The following CACNA1D variants were observed in gnomAD, a reference collection of about 807,000 sequenced individuals.
The protein encoded by CACNA1D is calcium voltage-gated channel subunit alpha1 D, also known as voltage-dependent L-type calcium channel subunit alpha-1D.
CACNA1D carries 55 observed loss-of-function variants against 257.1 expected under a neutral mutation model. The observed-to-expected ratio is 0.21, with a 90% CI of 0.17 to 0.27. CACNA1D has a LOEUF of 0.27. Among genes scored for constraint, CACNA1D ranks in the 10% least tolerant of loss-of-function variants. The pLI, the probability that CACNA1D is intolerant of heterozygous loss-of-function variation, is 1.00. For synonymous variants in CACNA1D, 980 were observed against 1,014.9 expected, an observed-to-expected ratio of 0.97 and a Z score of 0.65; for missense variants, 1,876 against 2,784.0, an observed-to-expected ratio of 0.67 and a Z score of 7.34.
In CACNA1D at chr3:53,780,088, G is replaced by A; in HGVS notation, c.4650G>A (p.Leu1550=). ...GGACAGTCATGTTTAATGCAACCCT[G>A]TTTGCTTTGGTTCGAACGGCTCTTA... ...SDGTVMFNAT[L]FALVRTALKI... Residue 1550 remains leucine (L), a synonymous_variant, in exon 38 of 48, where the codon CTG becomes CTA. Coordinates refer to ENST00000350061, the MANE Select transcript of CACNA1D (RefSeq NM_001128840.3). 6.2e-7 allele frequency: 1 copy of A among 1,614,164 alleles called. No individual in the cohort carries two copies. The highest frequency in any genetic ancestry group is 8.5e-7 in the Non-Finnish European group (1 of 1,179,988).
chr3:53,516,942 G>C (rs749802713), intron 3 of CACNA1D, among the ~76,000 whole-genome samples: 1 of 152,244 alleles, frequency 6.6e-6, no homozygotes, highest in Non-Finnish European at 1.5e-5. Context: ...CCAGCACTGA[G>C]TGTGAGGGAT....
intron 2 of CACNA1D, 127 bp downstream of exon 2, chr3:53,497,588 A>G (rs2090404968): frequency 2.1e-6 from 2 of 970,670 alleles, no homozygotes; most frequent in African/African-American, 1.6e-5. Flanking sequence ...GTTGTATATA[A>G]GGGGTTTCAT....
chr3:53,541,439 A>C (rs945766315), intron 3 of CACNA1D, among the ~76,000 whole-genome samples: 1 of 152,214 alleles, frequency 6.6e-6, no homozygotes, highest in East Asian at 1.9e-4. Context: ...AGTTTGGAGC[A>C]AATTTTGTGG....
chr3:53,645,320 G>A (rs1346766556), intron 3 of CACNA1D, among the ~76,000 whole-genome samples: 2 of 152,094 alleles, frequency 1.3e-5, no homozygotes, highest in African/African-American at 4.8e-5. Context: ...GTTTTAGTTA[G>A]ATGCCATCCC....
intron 3 of CACNA1D, among the ~76,000 whole-genome samples, chr3:53,521,228 G>A (rs923417858): frequency 7.2e-5 from 11 of 151,952 alleles, no homozygotes; most frequent in Non-Finnish European, 1.3e-4. Context: ...TTTTTGTAGA[G>A]ATGGGGGTCC....
chr3:53,525,825 C>A (rs2091743189), intron 3 of CACNA1D, among the ~76,000 whole-genome samples: 1 of 152,110 alleles, frequency 6.6e-6, no homozygotes, highest in Non-Finnish European at 1.5e-5. Context: ...TCAAACCCAG[C>A]ACAGACTAGA....
chr3:53,718,900 C>T (rs2094851263), intron 10 of CACNA1D, among the ~76,000 whole-genome samples: 1 of 152,158 alleles, frequency 6.6e-6, no homozygotes, highest in Admixed American at 6.5e-5. Context: ...ATGACGAGGC[C>T]CTGCCTTCTT....
Position 53,496,963 on chromosome 3 carries a change from C to T in CACNA1D, c.68-189C>T, listed in dbSNP as rs935200891. 1.4e-4 allele frequency among the ~76,000 whole-genome samples: 21 copies of T among 152,230 alleles called. No individual in the cohort carries two copies. In the South Asian group the frequency reaches 3.1e-3, roughly 23 times the overall value. On this transcript the variant is annotated intron_variant, in intron 1 of 47. Coordinates refer to ENST00000350061, the MANE Select transcript of CACNA1D (RefSeq NM_001128840.3). ...TGTGATTGACACTGAGACCAGAGCT[C>T]GTGGACTTTTCTTGACTCTCCAGCT...
chr3:53,659,968 C>T (rs2094187240), intron 4 of CACNA1D, among the ~76,000 whole-genome samples, 165 bp from the exon 5 acceptor site: 1 of 152,184 alleles, frequency 6.6e-6, no homozygotes, highest in Non-Finnish European at 1.5e-5. Context: ...GAGATGGCGT[C>T]GTTTGTATTC....
chr3:53,805,560 C>T lies in CACNA1D; in HGVS notation c.5749+414C>T, dbSNP rs1279130713. 3.3e-5 allele frequency among the ~76,000 whole-genome samples: 5 copies of T among 152,130 alleles called. No individual in the cohort carries two copies. The East Asian group carries it at 7.7e-4, about 23-fold the overall frequency. On this transcript the variant is annotated intron_variant, in intron 45 of 47. Coordinates refer to ENST00000350061, the MANE Select transcript of CACNA1D (RefSeq NM_001128840.3). ...TGAGCCCCCAAAGGGGAAGAGTGGGCTCAAGTGCAGAGCTGGCTGTGCCGC... is the reference window on the plus strand; with the variant it reads ...TGAGCCCCCAAAGGGGAAGAGTGGGTTCAAGTGCAGAGCTGGCTGTGCCGC...
intron 12 of CACNA1D, 100 bp downstream of exon 12, chr3:53,722,574 G>T: frequency 1.6e-6 from 2 of 1,214,858 alleles, no homozygotes; most frequent in Non-Finnish European, 2.4e-6. Context: ...ATGAAGTATC[G>T]CAACATTTCT....
intron 37 of CACNA1D, 77 bp downstream of exon 37, chr3:53,777,033 A>G (rs1001852839): frequency 2.8e-6 from 3 of 1,068,284 alleles, no homozygotes; most frequent in Non-Finnish European, 2.9e-6. Flanking sequence ...GTTAAGTGAC[A>G]CAGCCAGGCC....
chr3:53,676,299 C>G (rs2094376209), intron 8 of CACNA1D, among the ~76,000 whole-genome samples: 1 of 152,164 alleles, frequency 6.6e-6, no homozygotes, highest in Non-Finnish European at 1.5e-5. Context: ...CACCACCTTC[C>G]CTCTCTGCCT....
chr3:53,636,585 G>A (rs1388881219), intron 3 of CACNA1D, among the ~76,000 whole-genome samples: 3 of 152,220 alleles, frequency 2.0e-5, no homozygotes, highest in African/African-American at 7.2e-5. Flanking sequence ...TGGGATTACA[G>A]GCATTAGCCA....
intron 3 of CACNA1D, among the ~76,000 whole-genome samples, chr3:53,562,539 T>G (rs150494050): frequency 6.6e-6 from 1 of 152,244 alleles, no homozygotes; most frequent in African/African-American, 2.4e-5. Flanking sequence ...AAGTATAGTT[T>G]ACATATCAAA....
intron 2 of CACNA1D, among the ~76,000 whole-genome samples, chr3:53,497,944 C>T (rs2090422619): frequency 6.6e-6 from 1 of 152,204 alleles, no homozygotes; most frequent in Non-Finnish European, 1.5e-5. Flanking sequence ...GCTTCTGCAA[C>T]TACAATTAAT....
At chr3:53,607,560 G>C (rs912982171) in intron 3 of CACNA1D, among the ~76,000 whole-genome samples, 5 of 152,354 alleles carry the variant, frequency 3.3e-5, no homozygotes, top group African/African-American at 1.2e-4. Flanking sequence ...ACCCCCAGCT[G>C]TGACAGCAAG....
intron 9 of CACNA1D, chr3:53,710,313 G>A (rs1482534094): frequency 6.1e-5 from 27 of 439,536 alleles, no homozygotes; most frequent in Middle Eastern, 3.3e-4. Flanking sequence ...GGCTGGCAGG[G>A]CTGGCCGCGT....
intron 20 of CACNA1D, among the ~76,000 whole-genome samples, chr3:53,739,293 T>G (rs189347944): frequency 7.2e-5 from 11 of 152,376 alleles, no homozygotes; most frequent in Admixed American, 6.5e-4. Flanking sequence ...GTCTCCACAG[T>G]CCCTTCTAGC....
Sources: allele counts gnomAD v4.1 joint callset (sites outside exome capture counted in the v4.1 genomes callset), GRCh38; gene constraint gnomAD v4.1.1; transcripts MANE v1.5; gene names NCBI Gene and HGNC (gene_info 2026-07-23, HGNC 2026-07-21).